AFF3: variants seen among roughly 807,000 people sequenced by gnomAD.
AFF3 encodes the protein AF4/FMR2 family member 3.
AFF3 carries 32 observed loss-of-function variants against 129.7 expected under a neutral mutation model. The ratio of observed to expected loss-of-function variants is 0.25; its 90% CI spans 0.19 to 0.33. The LOEUF (loss-of-function observed/expected upper bound fraction) is 0.33, where lower values mean the gene tolerates loss of function less well. AFF3 is among the 10% of genes least tolerant of loss of function. AFF3 has a pLI of 1.00. For missense variants in AFF3, 1,373 were observed against 1,592.0 expected, an observed-to-expected ratio of 0.86 and a Z score of 2.34; for synonymous variants, 644 against 635.4, an observed-to-expected ratio of 1.01 and a Z score of -0.20.
At chr2:100,135,092 G>C (rs1207177270) in intron 1 of AFF3, among the ~76,000 whole-genome samples, 1 of 152,198 alleles carries the variant, frequency 6.6e-6, no homozygotes, top group Non-Finnish European at 1.5e-5. Context: ...TACTGGAGCA[G>C]TACCACAAAT....
At chr2:99,860,832 T>TTGTGTA (rs1690934038) in intron 7 of AFF3, among the ~76,000 whole-genome samples, 1 of 152,160 alleles carries the variant, frequency 6.6e-6, no homozygotes, top group Non-Finnish European at 1.5e-5. Flanking sequence ...ATGATCACAA[T>TTGTGTA]AAAATTAACG....
chr2:99,635,697 A>C (rs1357719), intron 13 of AFF3, among the ~76,000 whole-genome samples: 130,291 of 152,166 alleles, frequency 0.86, 55,911 homozygotes, highest in East Asian at 0.93. Flanking sequence ...GAAGGCCACA[A>C]TGCCACCCCT....
At chr2:99,560,301 C>A in intron 21 of AFF3, 64 bp downstream of exon 21, 4 of 1,541,714 alleles carry the variant, frequency 2.6e-6, no homozygotes, top group Middle Eastern at 1.7e-4. Context: ...CCTTTCAGCA[C>A]CTGGTTTGCC....
intron 2 of AFF3, among the ~76,000 whole-genome samples, chr2:100,111,084 G>A (rs973873173): frequency 6.6e-6 from 1 of 152,174 alleles, no homozygotes; most frequent in African/African-American, 2.4e-5. Flanking sequence ...TTAAAAGGAG[G>A]CTAGGTCCTT....
At chr2:99,898,579 C>T (rs143302784) in intron 7 of AFF3, among the ~76,000 whole-genome samples, 52 of 152,304 alleles carry the variant, frequency 3.4e-4, no homozygotes, top group Non-Finnish European at 6.3e-4. Context: ...ATCATCTTCT[C>T]TGCCCCGGGC....
At chr2:99,598,886 G>C (rs1679545839) in intron 14 of AFF3, among the ~76,000 whole-genome samples, 1 of 152,254 alleles carries the variant, frequency 6.6e-6, no homozygotes. Context: ...TCTTTCTAAA[G>C]GGTGTGTGTG....
chr2:99,811,008 A>G (rs572211544), intron 8 of AFF3, among the ~76,000 whole-genome samples: 1 of 152,314 alleles, frequency 6.6e-6, no homozygotes, highest in South Asian at 2.1e-4. Context: ...ATAATCCAGG[A>G]TAACCTCCCC....
Position 99,551,044 on chromosome 2 carries a change from T to C in AFF3, c.*430A>G, listed in dbSNP as rs1383592251. 2 of 421,104 alleles carry C rather than the reference T, an allele frequency of 4.7e-6. No individual in the cohort carries two copies. Among genetic ancestry groups the C allele is most frequent in the Admixed American group, 3.9e-5 (1 of 25,904 alleles). The allele number at this position is 421,104 out of a possible 1,614,324, so 26.1% of individuals were successfully genotyped here. A position where few individuals can be genotyped will look rare whatever the true frequency, so the allele number is the denominator to read the frequency against. ...CAGTCAAGCTTTTGGTGTGCTGTAT[T>C]GCACCTGGTTAACTAACCCATGAGA... On this transcript the variant is annotated 3_prime_UTR_variant, in exon 25 of 25. Coordinates refer to ENST00000672756, the MANE Select transcript of AFF3 (RefSeq NM_001386135.1).
chr2:99,908,138 A>C (rs1461132193), intron 7 of AFF3, among the ~76,000 whole-genome samples: 1 of 152,142 alleles, frequency 6.6e-6, no homozygotes, highest in Non-Finnish European at 1.5e-5. Context: ...CTGGTCACCT[A>C]TTTGCCACTG....
intron 11 of AFF3, among the ~76,000 whole-genome samples, chr2:99,690,432 C>T (rs1364830899): frequency 7.2e-5 from 11 of 151,916 alleles, no homozygotes; most frequent in East Asian, 2.0e-4. Context: ...CCGCCCGCCT[C>T]GGCCTCCCAA....
intron 2 of AFF3, among the ~76,000 whole-genome samples, chr2:100,114,074 C>T (rs141286981): frequency 9.9e-5 from 15 of 152,214 alleles, no homozygotes; most frequent in Middle Eastern, 3.4e-3. Context: ...CTAGTGAACA[C>T]CCAGCTGCCA....
chr2:100,012,836 G>A (rs957748654), intron 4 of AFF3, among the ~76,000 whole-genome samples: 5 of 152,150 alleles, frequency 3.3e-5, no homozygotes, highest in African/African-American at 7.2e-5. Context: ...TGTGTTGCAC[G>A]TTATGAGTTA....
At chr2:99,957,712 G>A (rs1460227100) in intron 7 of AFF3, among the ~76,000 whole-genome samples, 3 of 152,232 alleles carry the variant, frequency 2.0e-5, no homozygotes, top group African/African-American at 7.2e-5. Flanking sequence ...GTAGAAGACA[G>A]AAGTCTGCAC....
chr2:100,106,069 A>G (rs1691274212), intron 2 of AFF3: 2 of 1,308,128 alleles, frequency 1.5e-6, no homozygotes, highest in Non-Finnish European at 2.0e-6. Context: ...AACTCAATTC[A>G]GGACACAGGT....
chr2:99,679,371 C>T (rs1674311481), intron 11 of AFF3, among the ~76,000 whole-genome samples: 1 of 152,104 alleles, frequency 6.6e-6, no homozygotes, highest in Admixed American at 6.5e-5. Context: ...GGGACAGCAA[C>T]TTCTGATGGT....
chr2:100,093,885 G>A (rs879928687), intron 4 of AFF3, among the ~76,000 whole-genome samples: 21 of 152,078 alleles, frequency 1.4e-4, no homozygotes, highest in African/African-American at 5.1e-4. Flanking sequence ...ACACAGCTAG[G>A]GCCACAGGTG....
chr2:99,793,674 T>A (rs1361768590), intron 8 of AFF3, among the ~76,000 whole-genome samples: 1 of 152,226 alleles, frequency 6.6e-6, no homozygotes, highest in Non-Finnish European at 1.5e-5. Flanking sequence ...TTTTCTGTTG[T>A]TTAGCCCACT....
At chr2:100,065,393 C>T (rs930551770) in intron 4 of AFF3, among the ~76,000 whole-genome samples, 1 of 152,138 alleles carries the variant, frequency 6.6e-6, no homozygotes, top group Admixed American at 6.5e-5. Context: ...TTCAGTTCTT[C>T]TTACGCATGC....
intron 2 of AFF3, among the ~76,000 whole-genome samples, chr2:100,117,120 T>C (rs1021760064): frequency 6.6e-5 from 10 of 152,184 alleles, no homozygotes; most frequent in Non-Finnish European, 1.2e-4. Context: ...TGGATTTCAT[T>C]TTATTCATCT....
Sources: allele counts gnomAD v4.1 joint callset (sites outside exome capture counted in the v4.1 genomes callset), GRCh38; gene constraint gnomAD v4.1.1; transcripts MANE v1.5; gene names NCBI Gene and HGNC (gene_info 2026-07-23, HGNC 2026-07-21).